ADAMTSL1: variants seen among roughly 807,000 people sequenced by gnomAD.
ADAMTSL1 encodes the protein ADAMTS-like protein 1.
In ADAMTSL1, 126 loss-of-function variants were observed where a neutral mutation model predicts 201.8. The ratio of observed to expected loss-of-function variants is 0.62; its 90% confidence interval spans 0.54 to 0.72. The LOEUF (loss-of-function observed/expected upper bound fraction) is 0.72, where lower values mean the gene tolerates loss of function less well. ADAMTSL1 is among the 30% of genes least tolerant of loss of function. The probability of loss-of-function intolerance (pLI) is 0.00; values close to 1 mark genes in which losing one functional copy is unlikely to be tolerated. For missense variants in ADAMTSL1, 2,679 were observed against 2,277.8 expected (o/e 1.18, Z -3.59); for synonymous variants, 1,121 against 903.4 (o/e 1.24, Z -4.32).
chr9:18,587,818 T>A (rs554247347), intron 4 of ADAMTSL1, among the ~76,000 whole-genome samples: 9 of 152,352 alleles, frequency 5.9e-5, no homozygotes, highest in African/African-American at 2.2e-4. Flanking sequence ...TTTCATTTTT[T>A]ATGACTGAAT....
chr9:17,921,563 T>C (rs754306232), intron 1 of ADAMTSL1, among the ~76,000 whole-genome samples: 11 of 152,222 alleles, frequency 7.2e-5, no homozygotes. Flanking sequence ...CTTTAATTTC[T>C]ATTTTTCTAT....
At chr9:18,565,526 T>C (rs181420702) in intron 3 of ADAMTSL1, among the ~76,000 whole-genome samples, 1 of 144,324 alleles carries the variant, frequency 6.9e-6, no homozygotes, top group East Asian at 2.1e-4. Context: ...ATACCTAGTA[T>C]ACATGAAAAT....
intron 15 of ADAMTSL1, among the ~76,000 whole-genome samples, chr9:18,746,852 G>T (rs1242588671): frequency 1.3e-5 from 2 of 151,962 alleles, no homozygotes. Flanking sequence ...AACCATCATG[G>T]GTCGTTGATT....
At chr9:18,679,248 C>G (rs1412208688) in intron 10 of ADAMTSL1, among the ~76,000 whole-genome samples, 8 of 152,092 alleles carry the variant, frequency 5.3e-5, no homozygotes, top group Admixed American at 4.6e-4. Flanking sequence ...ATGGATCAAC[C>G]CAGTGACATT....
At chr9:18,494,430 A>G (rs1480047184) in intron 1 of ADAMTSL1, among the ~76,000 whole-genome samples, 1 of 152,108 alleles carries the variant, frequency 6.6e-6, no homozygotes, top group South Asian at 2.1e-4. Flanking sequence ...TGGCAGTGGC[A>G]TTGCATCTTA....
intron 2 of ADAMTSL1, among the ~76,000 whole-genome samples, chr9:18,263,401 C>T (rs1831997384): frequency 6.6e-6 from 1 of 152,108 alleles, no homozygotes; most frequent in Non-Finnish European, 1.5e-5. Flanking sequence ...AATCTAATTC[C>T]CTGGCTCCTG....
intron 15 of ADAMTSL1, among the ~76,000 whole-genome samples, chr9:18,749,109 C>T (rs1819310636): frequency 6.6e-6 from 1 of 152,178 alleles, no homozygotes; most frequent in Admixed American, 6.5e-5. Flanking sequence ...AGTTTGACCT[C>T]ATCTTAAGCG....
chr9:18,586,984 T>C (rs1823537106), intron 4 of ADAMTSL1, among the ~76,000 whole-genome samples: 1 of 151,878 alleles, frequency 6.6e-6, no homozygotes, highest in African/African-American at 2.4e-5. Context: ...CTAAATACTA[T>C]TAAAAAAAAA....
chr9:18,286,982 A>G (rs1833014582), intron 2 of ADAMTSL1, among the ~76,000 whole-genome samples: 1 of 152,178 alleles, frequency 6.6e-6, no homozygotes. Context: ...ATAAAACACT[A>G]TCAGCCAGGA....
At chr9:18,562,689 T>C (rs977710384) in intron 3 of ADAMTSL1, among the ~76,000 whole-genome samples, 9 of 152,242 alleles carry the variant, frequency 5.9e-5, no homozygotes, top group African/African-American at 2.2e-4. Context: ...CATAGTTCCA[T>C]ATTTCTTGGA....
Position 18,684,737 on chromosome 9 carries a change from A to T in ADAMTSL1, c.1511A>T (p.Lys504Met), listed in dbSNP as rs948443420. ...KPKEKLPVEA[K>M]LPWFKQAQEL... ...TCAGAGAAACTTCCAGTCGAGGCCAAGTTGCCATGGTTCAAACAAGCTCAA... is the reference window on the plus strand; with the variant it reads ...TCAGAGAAACTTCCAGTCGAGGCCATGTTGCCATGGTTCAAACAAGCTCAA... The change falls in exon 13 of 29, where the codon AAG becomes ATG. Residue 504 changes from lysine (K) to methionine (M), a missense_variant. Physicochemically the swap from Lys to Met is moderately conservative, Grantham distance 95. Coordinates refer to ENST00000380548, the MANE Select transcript of ADAMTSL1 (RefSeq NM_001040272.6). The T allele has an allele frequency of 1.2e-6, 2 of 1,613,076 alleles. No homozygotes were observed. Among genetic ancestry groups the T allele is most frequent in the African/African-American group, 2.7e-5 (2 of 74,926 alleles).
intron 1 of ADAMTSL1, among the ~76,000 whole-genome samples, chr9:18,085,470 CAT>C (rs367814697): frequency 0.016 from 947 of 60,308 alleles, 5 homozygotes; most frequent in South Asian, 0.056. Flanking sequence ...CACAAATACA[CAT>C]ATGTGTGTGC....
intron 1 of ADAMTSL1, among the ~76,000 whole-genome samples, chr9:18,049,724 C>A (rs1036197968): frequency 6.6e-6 from 1 of 151,974 alleles, no homozygotes; most frequent in Non-Finnish European, 1.5e-5. Flanking sequence ...CCCGGGTTCA[C>A]GCCATTCTCC....
Position 18,275,942 on chromosome 9 carries a change from C to G in ADAMTSL1, c.207+111961C>G, listed in dbSNP as rs78609275. Among the ~76,000 whole-genome samples the G allele has an allele frequency of 5.8e-3, 890 of 152,258 alleles. 5 individuals carry two copies. The highest frequency in any genetic ancestry group is 0.019 in the African/African-American group (795 of 41,544). On this transcript the variant is annotated intron_variant, in intron 2 of 29. Coordinates refer to the ADAMTSL1 transcript ENST00000680146. ...CAAATTTATATGGAACTGCCAAACTCTTTTCAAAAGTGGATGTGCCATCTT... is the reference window on the plus strand; with the variant it reads ...CAAATTTATATGGAACTGCCAAACTGTTTTCAAAAGTGGATGTGCCATCTT...
intron 2 of ADAMTSL1, among the ~76,000 whole-genome samples, chr9:18,396,625 G>C (rs938556121): frequency 4.0e-5 from 6 of 149,764 alleles, no homozygotes; most frequent in Admixed American, 2.0e-4. Context: ...TTATTTTTAT[G>C]TTAATAATGT....
intron 1 of ADAMTSL1, among the ~76,000 whole-genome samples, chr9:17,981,309 G>A (rs769493450): frequency 1.8e-4 from 28 of 152,302 alleles, no homozygotes; most frequent in African/African-American, 4.6e-4. Flanking sequence ...TTCTGCTATT[G>A]CAGACTGAAC....
chr9:18,847,562 A>T (rs932589509), intron 23 of ADAMTSL1, among the ~76,000 whole-genome samples: 1 of 152,254 alleles, frequency 6.6e-6, no homozygotes, highest in Non-Finnish European at 1.5e-5. Flanking sequence ...GGAGGTTCCA[A>T]TTTAAAATAC....
intron 15 of ADAMTSL1, among the ~76,000 whole-genome samples, chr9:18,724,144 C>G (rs1042364645): frequency 6.6e-6 from 1 of 152,172 alleles, no homozygotes; most frequent in Admixed American, 6.5e-5. Flanking sequence ...TGGGACATAA[C>G]AAAATGACAT....
chr9:18,016,402 C>G (rs1372786865), intron 1 of ADAMTSL1, among the ~76,000 whole-genome samples: 1 of 151,858 alleles, frequency 6.6e-6, no homozygotes, highest in Non-Finnish European at 1.5e-5. Flanking sequence ...ATCGGTTGTC[C>G]TTTTGCAAGC....
Sources: gnomAD v4.1 joint callset for allele counts (sites outside exome capture counted in the v4.1 genomes callset) on GRCh38, gnomAD v4.1.1 for gene constraint, MANE v1.5 for transcripts, NCBI Gene and HGNC (gene_info 2026-07-23, HGNC 2026-07-21) for gene names.